PRICKLE2: variants seen among roughly 807,000 people sequenced by gnomAD.
PRICKLE2 encodes prickle planar cell polarity protein 2, also known as prickle-like protein 2.
A neutral mutation model predicts 81.4 loss-of-function variants in PRICKLE2; 21 were observed. The ratio of observed to expected loss-of-function variants is 0.26; its 90% CI spans 0.18 to 0.37. The LOEUF is 0.37. Among genes scored for constraint, PRICKLE2 ranks in the 10% least tolerant of loss-of-function variants. PRICKLE2 has a pLI of 1.00. For synonymous variants in PRICKLE2, 456 were observed against 421.5 expected, an observed-to-expected ratio of 1.08 and a Z score of -1.00; for missense variants, 940 against 1,109.0, an observed-to-expected ratio of 0.85 and a Z score of 2.16.
chr3:64,172,126 G>GTT (rs1381129455), intron 2 of PRICKLE2, among the ~76,000 whole-genome samples: 50 of 152,260 alleles, frequency 3.3e-4, no homozygotes, highest in African/African-American at 1.2e-3. Flanking sequence ...ATTCCATTTA[G>GTT]TTTGGAGCAT....
At chr3:64,141,923 T>G (rs768648481) in intron 7 of PRICKLE2, 52 of 984,964 alleles carry the variant, frequency 5.3e-5, no homozygotes, top group Admixed American at 6.1e-5. Flanking sequence ...AAGCCTTTTG[T>G]GGCACGTACC....
chr3:64,108,131 T>G (rs545557956), intron 7 of PRICKLE2, among the ~76,000 whole-genome samples: 1 of 152,240 alleles, frequency 6.6e-6, no homozygotes, highest in Admixed American at 6.5e-5. Flanking sequence ...TTTCCAGATT[T>G]GGGGAGTTGT....
At chr3:64,124,673 C>T (rs1037265320) in intron 7 of PRICKLE2, among the ~76,000 whole-genome samples, 2 of 152,102 alleles carry the variant, frequency 1.3e-5, no homozygotes, top group Non-Finnish European at 1.5e-5. Context: ...AAACAACAAG[C>T]CTGGATGACA....
intron 7 of PRICKLE2, among the ~76,000 whole-genome samples, chr3:64,121,811 T>A (rs2077032896): frequency 6.6e-6 from 1 of 152,212 alleles, no homozygotes; most frequent in South Asian, 2.1e-4. Flanking sequence ...GTATATTTGC[T>A]ATAAACGGTG....
intron 1 of PRICKLE2, among the ~76,000 whole-genome samples, chr3:64,201,708 G>T (rs938970889): frequency 2.0e-5 from 3 of 151,954 alleles, no homozygotes; most frequent in African/African-American, 7.3e-5. Flanking sequence ...TCACTTTCTT[G>T]ATGACATCTG....
Position 64,095,030 on chromosome 3 carries a change from G to T in PRICKLE2, c.*4021C>A, listed in dbSNP as rs2076551508. On this transcript the variant is annotated 3_prime_UTR_variant, in exon 8 of 8. Coordinates refer to ENST00000638394, the MANE Select transcript of PRICKLE2 (RefSeq NM_198859.4). ...TCTTAGGCTTAAGCATCTGTTTTCT[G>T]CTAGAAATACACAAAGAACACTTCT... 1 of 152,586 alleles carries T rather than the reference G, an allele frequency of 6.6e-6. No individual in the cohort carries two copies. The highest frequency in any genetic ancestry group is 1.5e-5 in the Non-Finnish European group (1 of 68,026). The allele number at this position is 152,586 out of a possible 1,614,324, so 9.5% of individuals were successfully genotyped here.
chr3:64,254,077 G>A (rs547087209), intron 2 of PRICKLE2, among the ~76,000 whole-genome samples: 2 of 152,300 alleles, frequency 1.3e-5, no homozygotes, highest in East Asian at 3.9e-4. Context: ...CTCTTGCTTG[G>A]TGGTAGACAG....
intron 1 of PRICKLE2, among the ~76,000 whole-genome samples, chr3:64,204,000 C>T (rs1186305380): frequency 1.3e-5 from 2 of 151,892 alleles, no homozygotes; most frequent in African/African-American, 4.8e-5. Context: ...CACACATACA[C>T]TCTAAAACAA....
intron 2 of PRICKLE2, among the ~76,000 whole-genome samples, chr3:64,255,742 T>G (rs951537237): frequency 5.3e-5 from 8 of 152,152 alleles, no homozygotes; most frequent in African/African-American, 1.9e-4. Context: ...ACTCACAACT[T>G]GAGTAAACAA....
At chr3:64,163,428 G>A (rs2077767186) in intron 2 of PRICKLE2, 1 of 449,160 alleles carries the variant, frequency 2.2e-6, no homozygotes, top group African/African-American at 2.0e-5. Context: ...CCAGAGGGTA[G>A]GGCTTTCTCG....
At position 64,207,952 on chromosome 3, in the gene PRICKLE2, C is replaced by T. The variant is rs552086513; in HGVS notation, c.-40-8985G>A. Among the ~76,000 whole-genome samples the T allele has an allele frequency of 2.0e-5, 3 of 152,316 alleles. No individual in the cohort carries two copies. The East Asian group carries it at 5.8e-4, about 29-fold the overall frequency. On this transcript the variant is annotated intron_variant, in intron 1 of 7. Coordinates refer to ENST00000638394, the MANE Select transcript of PRICKLE2 (RefSeq NM_198859.4). ...TGACGCAGGAGGAGCTGGGCAGCGG[C>T]CTGACTTACTCCATCTGCTCTGTAG...
chr3:64,165,316 A>C (rs1384902292), intron 2 of PRICKLE2, among the ~76,000 whole-genome samples: 1 of 152,150 alleles, frequency 6.6e-6, no homozygotes, highest in Non-Finnish European at 1.5e-5. Flanking sequence ...CATGGCCAGT[A>C]GATCTGGACC....
intron 7 of PRICKLE2, among the ~76,000 whole-genome samples, chr3:64,103,945 G>A (rs2076710834): frequency 6.6e-6 from 1 of 152,074 alleles, no homozygotes; most frequent in African/African-American, 2.4e-5. Context: ...GTGCAACTGT[G>A]CTCCAGCCTG....
At chr3:64,214,852 G>A (rs764874228) in intron 1 of PRICKLE2, among the ~76,000 whole-genome samples, 16 of 152,140 alleles carry the variant, frequency 1.1e-4, no homozygotes, top group Non-Finnish European at 1.9e-4. Flanking sequence ...CATAGTTGAC[G>A]AAACGAACAA....
chr3:64,260,566 A>C (rs2079601472), intron 2 of PRICKLE2, among the ~76,000 whole-genome samples: 4 of 152,222 alleles, frequency 2.6e-5, no homozygotes, highest in Admixed American at 2.6e-4. Flanking sequence ...TTAGTAACTC[A>C]ATGAACAGTC....
At chr3:64,242,942 A>G (rs1436387164) in intron 2 of PRICKLE2, among the ~76,000 whole-genome samples, 1 of 152,248 alleles carries the variant, frequency 6.6e-6, no homozygotes, top group Admixed American at 6.5e-5. Flanking sequence ...ATCCCAAGAC[A>G]GAGAATAATT....
chr3:64,246,895 A>G (rs2079366185), intron 2 of PRICKLE2, among the ~76,000 whole-genome samples: 2 of 152,218 alleles, frequency 1.3e-5, no homozygotes, highest in Non-Finnish European at 2.9e-5. Flanking sequence ...CCTGCCTTCT[A>G]ATACACTGAG....
chr3:64,139,844 C>T (rs1332449804), intron 7 of PRICKLE2, among the ~76,000 whole-genome samples: 2 of 152,182 alleles, frequency 1.3e-5, no homozygotes, highest in Non-Finnish European at 2.9e-5. Context: ...CCTAGAATGA[C>T]CCTTCCCCTA....
intron 5 of PRICKLE2, chr3:64,153,642 T>C: frequency 2.4e-6 from 1 of 417,610 alleles, no homozygotes; most frequent in South Asian, 2.6e-5. Flanking sequence ...CCCTGGAGAA[T>C]ATAAGGCAGG....
Sources: gnomAD v4.1 joint callset for allele counts (sites outside exome capture counted in the v4.1 genomes callset) on GRCh38, gnomAD v4.1.1 for gene constraint, MANE v1.5 for transcripts, NCBI Gene and HGNC (gene_info 2026-07-23, HGNC 2026-07-21) for gene names.